GRM1: variants seen among roughly 807,000 people sequenced by gnomAD.
GRM1 encodes the protein metabotropic glutamate receptor 1.
GRM1 carries 33 observed loss-of-function variants against 90.9 expected under a neutral mutation model. The observed-to-expected ratio is 0.36, with a 90% CI of 0.28 to 0.49. The LOEUF (loss-of-function observed/expected upper bound fraction) is 0.49, where lower values mean the gene tolerates loss of function less well. GRM1 is among the 20% of genes least tolerant of loss of function. The pLI is 0.99. For synonymous variants in GRM1, 700 were observed against 613.2 expected (o/e 1.14, Z -2.09); for missense variants, 1,190 against 1,534.3 (o/e 0.78, Z 3.75).
intron 1 of GRM1, among the ~76,000 whole-genome samples, chr6:146,112,732 G>A (rs977517524): frequency 6.6e-6 from 1 of 152,130 alleles, no homozygotes; most frequent in Admixed American, 6.5e-5. Context: ...TCTGCTGTTT[G>A]GAATTAGAGA....
intron 1 of GRM1, among the ~76,000 whole-genome samples, chr6:146,105,597 A>G: frequency 6.6e-6 from 1 of 152,176 alleles, no homozygotes; most frequent in Non-Finnish European, 1.5e-5. Context: ...ACTATCTAAA[A>G]GGACAGGCAA....
chr6:146,153,354 T>C (rs574545038), intron 1 of GRM1, among the ~76,000 whole-genome samples: 2 of 152,320 alleles, frequency 1.3e-5, no homozygotes, highest in South Asian at 4.1e-4. Context: ...ATACCATGAG[T>C]ATAACAGGGT....
chr6:146,037,796 A>G (rs574642003), intron 1 of GRM1, among the ~76,000 whole-genome samples: 14 of 152,126 alleles, frequency 9.2e-5, no homozygotes, highest in African/African-American at 3.4e-4. Flanking sequence ...TGGCCTTGCC[A>G]ATAACTATTT....
chr6:146,124,149 GA>G (rs35213168), intron 1 of GRM1, among the ~76,000 whole-genome samples: 2 of 152,082 alleles, frequency 1.3e-5, no homozygotes, highest in Admixed American at 1.3e-4. Context: ...TTTTACAGAT[GA>G]AAAAATAAAT....
At chr6:146,235,846 C>T (rs1342219730) in intron 2 of GRM1, among the ~76,000 whole-genome samples, 4 of 151,742 alleles carry the variant, frequency 2.6e-5, no homozygotes, top group Admixed American at 6.6e-5. Flanking sequence ...ACCTTTTTCA[C>T]TAGAGCCCTT....
At chr6:146,389,163 T>A (rs922793502) in intron 6 of GRM1, among the ~76,000 whole-genome samples, 7 of 152,056 alleles carry the variant, frequency 4.6e-5, no homozygotes, top group Non-Finnish European at 8.8e-5. Flanking sequence ...AGCTGGGGTT[T>A]ACTGACAGTC....
intron 5 of GRM1, among the ~76,000 whole-genome samples, chr6:146,363,226 G>A (rs1416388827): frequency 2.0e-5 from 3 of 152,078 alleles, no homozygotes; most frequent in Non-Finnish European, 4.4e-5. Context: ...AGTTATGTTC[G>A]GTCATGTCTC....
At chr6:146,284,539 C>T (rs755005455) in intron 2 of GRM1, among the ~76,000 whole-genome samples, 4 of 152,240 alleles carry the variant, frequency 2.6e-5, no homozygotes, top group East Asian at 1.9e-4. Context: ...ACCCAAATCT[C>T]GCCTGGTATT....
At chr6:146,379,107 T>C (rs1776219340) in intron 5 of GRM1, among the ~76,000 whole-genome samples, 1 of 152,164 alleles carries the variant, frequency 6.6e-6, no homozygotes, top group Non-Finnish European at 1.5e-5. Context: ...ACTTGGATAT[T>C]GATATCTTAC....
intron 2 of GRM1, among the ~76,000 whole-genome samples, chr6:146,293,050 A>G (rs1455986425): frequency 6.6e-6 from 1 of 152,068 alleles, no homozygotes; most frequent in African/African-American, 2.4e-5. Context: ...ACATTTGCAT[A>G]TGAAATATCC....
chr6:146,170,284 A>C (rs745550286), intron 2 of GRM1, among the ~76,000 whole-genome samples: 4 of 152,244 alleles, frequency 2.6e-5, no homozygotes, highest in Non-Finnish European at 4.4e-5. Flanking sequence ...TCATTCTTGC[A>C]TATGTAGATA....
intron 7 of GRM1, chr6:146,426,691 C>A: frequency 1.1e-6 from 1 of 908,034 alleles, no homozygotes; most frequent in Non-Finnish European, 1.8e-6. Context: ...CTTGCTTTCT[C>A]TCTCCTGGGT....
At chr6:146,194,264 A>G (rs957860156) in intron 2 of GRM1, among the ~76,000 whole-genome samples, 1 of 152,026 alleles carries the variant, frequency 6.6e-6, no homozygotes. Context: ...TAGAGTCTTC[A>G]TTATCCACTA....
chr6:146,397,834 G>T (rs1378441356), intron 6 of GRM1, among the ~76,000 whole-genome samples: 1 of 152,180 alleles, frequency 6.6e-6, no homozygotes, highest in East Asian at 1.9e-4. Context: ...GACAGGTTTA[G>T]CACTGGTTCT....
intron 3 of GRM1, among the ~76,000 whole-genome samples, chr6:146,349,274 GGT>G (rs1785303429): frequency 2.0e-5 from 3 of 150,358 alleles, no homozygotes; most frequent in Non-Finnish European, 4.4e-5. Flanking sequence ...GTAGATACGG[GGT>G]TTCACTGTGT....
chr6:146,315,187 A>C (rs1783924910), intron 3 of GRM1, among the ~76,000 whole-genome samples: 1 of 152,112 alleles, frequency 6.6e-6, no homozygotes, highest in African/African-American at 2.4e-5. Flanking sequence ...CTGTCTCTCC[A>C]AAAAGTTAGC....
At chr6:146,030,432 T>G (rs796757597) in intron 1 of GRM1, among the ~76,000 whole-genome samples, 7 of 152,310 alleles carry the variant, frequency 4.6e-5, no homozygotes, top group African/African-American at 1.7e-4. Context: ...CTGAGGATAA[T>G]AGGAGCTGAA....
At chr6:146,416,994 G>A (rs1777810433) in intron 7 of GRM1, among the ~76,000 whole-genome samples, 1 of 152,068 alleles carries the variant, frequency 6.6e-6, no homozygotes, top group South Asian at 2.1e-4. Context: ...CTCTCTCCAG[G>A]ATCTCGGTTC....
Position 146,433,998 on chromosome 6 carries a change from C to A in GRM1, c.2787C>A (p.Val929=). ...TNETACNQTA[V]IKPLTKSYQG... ...AGACGGCCTGCAACCAAACAGCCGT[C>A]ATCAAGCCCCTCACTAAAAGTTACC... Residue 929 remains valine (V), a synonymous_variant, in exon 8 of 8, where the codon GTC becomes GTA. Transcript: ENST00000282753. 6.2e-7 allele frequency: 1 copy of A among 1,614,154 alleles called. No individual in the cohort carries two copies. The highest frequency in any genetic ancestry group is 8.5e-7 in the Non-Finnish European group (1 of 1,180,006).
Sources: allele counts gnomAD v4.1 joint callset (sites outside exome capture counted in the v4.1 genomes callset), GRCh38; gene constraint gnomAD v4.1.1; transcripts MANE v1.5; gene names NCBI Gene and HGNC (gene_info 2026-07-23, HGNC 2026-07-21).